The following ZNF717 variants were observed in gnomAD, a reference collection of about 807,000 sequenced individuals.
ZNF717 encodes zinc finger protein 717.
In ZNF717, 9 loss-of-function variants were observed where a neutral mutation model predicts 13.8. The observed-to-expected ratio is 0.65, with a 90% confidence interval of 0.39 to 1.14. The LOEUF (loss-of-function observed/expected upper bound fraction) is 1.14. ZNF717 is among the 50% of genes most tolerant of loss of function. ZNF717 has a pLI of 0.01. For synonymous variants in ZNF717, 327 were observed against 364.1 expected (o/e 0.90, Z 1.16); for missense variants, 1,040 against 1,080.7 (o/e 0.96, Z 0.53).
downstream of ZNF717, among the ~76,000 whole-genome samples, chr3:75,725,975 A>G (rs1258605776): frequency 5.3e-5 from 8 of 152,172 alleles, no homozygotes; most frequent in Non-Finnish European, 1.0e-4. Context: ...GCCTTTTCTC[A>G]AGACCTTGAC....
intron 2 of ZNF717, among the ~76,000 whole-genome samples, chr3:75,777,458 C>T (rs1404494270): frequency 2.6e-5 from 4 of 151,228 alleles, no homozygotes; most frequent in Non-Finnish European, 4.4e-5. Context: ...AAACCCAAAA[C>T]AATGGGAGTG....
chr3:75,740,364 C>G (rs1349541963), intron 4 of ZNF717, among the ~76,000 whole-genome samples: 2 of 152,080 alleles, frequency 1.3e-5, no homozygotes, highest in Non-Finnish European at 2.9e-5. Flanking sequence ...AGTCCAGCAC[C>G]ACCCCTATCC....
downstream of ZNF717, among the ~76,000 whole-genome samples, chr3:75,735,578 G>A (rs796767948): frequency 0.035 from 3,808 of 107,628 alleles, 4 homozygotes; most frequent in South Asian, 0.19. Context: ...CCATGAGGTT[G>A]AGGCTGCAGG....
chr3:75,742,611 A>G (rs1378282470), intron 2 of ZNF717, among the ~76,000 whole-genome samples: 8 of 152,240 alleles, frequency 5.3e-5, no homozygotes, highest in African/African-American at 1.7e-4. Context: ...GAGAACACAC[A>G]CCACTTTAAT....
At chr3:75,708,078 T>C (rs1252515539), downstream of ZNF717, among the ~76,000 whole-genome samples, 1 of 152,204 alleles carries the variant, frequency 6.6e-6, no homozygotes, top group Non-Finnish European at 1.5e-5. Flanking sequence ...CAAATGTACC[T>C]GTCTGACAGC....
Position 75,736,919 on chromosome 3 carries a change from C to G in ZNF717, c.2704G>C (p.Ala902Pro). ...TGATTTTGAGGGAACACATAGCCTGCCTCAGCTACGTCAGATTTCTCTCCT... is the reference window on the plus strand; with the variant it reads ...TGATTTTGAGGGAACACATAGCCTGGCTCAGCTACGTCAGATTTCTCTCCT... ...HIGEKSDVAEAGYVFPQNHSF... is the reference protein window; with the variant it reads ...HIGEKSDVAEPGYVFPQNHSF... The change falls in exon 5 of 5, where the codon GCA becomes CCA. Residue 902 changes from alanine to proline, a missense_variant. Around this residue, in one of 3 missense-constraint regions of ZNF717, gnomAD observed 44 missense variants for 70.1 expected, o/e 0.63. Coordinates refer to ENST00000652011, the MANE Select transcript of ZNF717 (RefSeq NM_001290208.3). 1 of 1,558,380 alleles carries G rather than the reference C, an allele frequency of 6.4e-7. No homozygotes were observed. Among genetic ancestry groups the G allele is most frequent in the East Asian group, 2.4e-5 (1 of 41,218 alleles).
intron 2 of ZNF717, among the ~76,000 whole-genome samples, chr3:75,742,166 A>G (rs77704552): frequency 6.6e-5 from 10 of 152,152 alleles, no homozygotes; most frequent in Admixed American, 1.3e-4. Flanking sequence ...CTCTACAAAA[A>G]TAATAAAAAA....
At chr3:75,774,974 G>A (rs1280809813) in intron 2 of ZNF717, among the ~76,000 whole-genome samples, 1 of 148,616 alleles carries the variant, frequency 6.7e-6, no homozygotes, top group Non-Finnish European at 1.5e-5. Context: ...TACCTGTTTT[G>A]TTTTGAGACA....
intron 4 of ZNF717, among the ~76,000 whole-genome samples, chr3:75,724,958 C>A (rs1396120328): frequency 6.6e-6 from 1 of 152,274 alleles, no homozygotes; most frequent in Non-Finnish European, 1.5e-5. Flanking sequence ...CTTAAGTATT[C>A]TTCTACTCAC....
Position 75,736,498 on chromosome 3 carries a change from G to GA in ZNF717, c.*379dup. 5.1e-6 allele frequency: 1 copy of GA among 197,760 alleles called. No homozygotes were observed. The highest frequency in any genetic ancestry group is 1.0e-5 in the Non-Finnish European group (1 of 98,586). The allele number at this position is 197,760 out of a possible 1,614,324, so 12.3% of individuals were successfully genotyped here. ...AAAACAGGCTTTTTACTGACACAGA[G>GA]AAAGTCTGAGTGGTCCACATAGAAG... On this transcript the variant is annotated 3_prime_UTR_variant, in exon 5 of 5. Transcript: ENST00000652011.
At chr3:75,765,603 A>G (rs1187329518) in intron 2 of ZNF717, among the ~76,000 whole-genome samples, 8 of 152,044 alleles carry the variant, frequency 5.3e-5, no homozygotes, top group Admixed American at 2.6e-4. Context: ...TTTTGTAGAC[A>G]GGGTTTTGCC....
At chr3:75,729,617 A>C (rs1302711941), downstream of ZNF717, among the ~76,000 whole-genome samples, 1 of 22,652 alleles carries the variant, frequency 4.4e-5, no homozygotes, top group Non-Finnish European at 2.0e-4. Context: ...CTCCATATCA[A>C]AAAAAAAAAA....
At chr3:75,759,011 G>A (rs1942739202) in intron 2 of ZNF717, among the ~76,000 whole-genome samples, 1 of 152,240 alleles carries the variant, frequency 6.6e-6, no homozygotes, top group African/African-American at 2.4e-5. Flanking sequence ...CTTGCTGAAG[G>A]CTCAGATGAC....
chr3:75,695,217 A>G (rs1407563445), intron 6 of ZNF717, among the ~76,000 whole-genome samples: 1 of 152,292 alleles, frequency 6.6e-6, no homozygotes, highest in Non-Finnish European at 1.5e-5. Context: ...GATTTCAACA[A>G]AAGACTGTAG....
chr3:75,706,939 C>G (rs77040802), downstream of ZNF717, among the ~76,000 whole-genome samples: 1 of 152,298 alleles, frequency 6.6e-6, no homozygotes, highest in Admixed American at 6.5e-5. Flanking sequence ...CTTTTTAGTA[C>G]TGTCTGAATG....
intron 2 of ZNF717, among the ~76,000 whole-genome samples, chr3:75,742,098 G>C (rs1411879422): frequency 2.6e-5 from 4 of 152,150 alleles, no homozygotes; most frequent in African/African-American, 9.7e-5. Flanking sequence ...TCACCTTATA[G>C]ATCTAGAACC....
intron 4 of ZNF717, 103 bp from the exon 5 acceptor site, chr3:75,739,448 T>C (rs1284521788): frequency 1.3e-6 from 1 of 761,568 alleles, no homozygotes; most frequent in Non-Finnish European, 1.9e-6. Flanking sequence ...TGGAGTAAGA[T>C]TTGACAAAAA....
intron 2 of ZNF717, among the ~76,000 whole-genome samples, chr3:75,751,491 C>G (rs1197266992): frequency 2.0e-5 from 3 of 150,482 alleles, no homozygotes; most frequent in Non-Finnish European, 3.0e-5. Flanking sequence ...AACACTGCTG[C>G]TGGGGTCTGA....
intron 2 of ZNF717, among the ~76,000 whole-genome samples, chr3:75,748,080 C>G (rs1941342364): frequency 6.6e-6 from 1 of 152,180 alleles, no homozygotes; most frequent in African/African-American, 2.4e-5. Context: ...CGCAAATAAA[C>G]TAGAAAATCT....
Sources: gnomAD v4.1 joint callset for allele counts (sites outside exome capture counted in the v4.1 genomes callset) on GRCh38, gnomAD v4.1.1 for gene constraint, gnomAD v4.1.1 regional missense constraint, MANE v1.5 for transcripts, NCBI Gene and HGNC (gene_info 2026-07-23, HGNC 2026-07-21) for gene names.